The following ST6GALNAC3 variants were observed in gnomAD, a reference collection of about 807,000 sequenced individuals.
The protein encoded by ST6GALNAC3 is alpha-N-acetylgalactosaminide alpha-2,6-sialyltransferase 3.
ST6GALNAC3 carries 25 observed loss-of-function variants against 32.7 expected under a neutral mutation model. That is an observed-to-expected ratio of 0.76 (90% CI 0.56 to 1.07). ST6GALNAC3 has a LOEUF of 1.07. Ranked by LOEUF, ST6GALNAC3 falls within the 50% of genes least tolerant of loss-of-function variation. The probability of loss-of-function intolerance (pLI) is 0.00; values close to 1 mark genes in which losing one functional copy is unlikely to be tolerated. For missense variants in ST6GALNAC3, 355 were observed against 382.4 expected (o/e 0.93, Z 0.60); for synonymous variants, 129 against 133.1 (o/e 0.97, Z 0.21).
intron 1 of ST6GALNAC3, among the ~76,000 whole-genome samples, chr1:76,134,748 T>C (rs1649830045): frequency 6.6e-6 from 1 of 152,220 alleles, no homozygotes; most frequent in South Asian, 2.1e-4. Context: ...CTTGTGTCTG[T>C]GTCATGAAAA....
At chr1:76,403,362 G>T (rs1653574885) in intron 2 of ST6GALNAC3, among the ~76,000 whole-genome samples, 1 of 152,084 alleles carries the variant, frequency 6.6e-6, no homozygotes, top group Non-Finnish European at 1.5e-5. Flanking sequence ...CAATCTGTTA[G>T]TATTTGAAGG....
intron 1 of ST6GALNAC3, among the ~76,000 whole-genome samples, chr1:76,244,037 C>A (rs893260612): frequency 9.2e-5 from 14 of 152,216 alleles, no homozygotes; most frequent in African/African-American, 3.4e-4. Context: ...TTACTTTGGG[C>A]AGTATGGCCA....
chr1:76,083,330 G>A (rs1646923263), intron 1 of ST6GALNAC3, among the ~76,000 whole-genome samples: 1 of 152,276 alleles, frequency 6.6e-6, no homozygotes. Flanking sequence ...TGTGATTCCT[G>A]GTGCTGTTTG....
intron 3 of ST6GALNAC3, among the ~76,000 whole-genome samples, chr1:76,534,702 A>G (rs909270353): frequency 2.6e-5 from 4 of 152,304 alleles, no homozygotes; most frequent in South Asian, 2.1e-4. Flanking sequence ...TATTCAGTGA[A>G]CTGAATAGTG....
intron 1 of ST6GALNAC3, among the ~76,000 whole-genome samples, chr1:76,311,967 A>G (rs1027885963): frequency 3.9e-5 from 6 of 152,112 alleles, no homozygotes; most frequent in Non-Finnish European, 7.4e-5. Context: ...TTTAATGATT[A>G]CCATTCTAAC....
At chr1:76,316,085 C>A (rs1646859408) in intron 2 of ST6GALNAC3, among the ~76,000 whole-genome samples, 1 of 152,048 alleles carries the variant, frequency 6.6e-6, no homozygotes, top group African/African-American at 2.4e-5. Context: ...TACTAATATA[C>A]ATGAAACGCC....
intron 3 of ST6GALNAC3, among the ~76,000 whole-genome samples, chr1:76,578,655 T>C (rs758394667): frequency 1.8e-4 from 28 of 152,046 alleles, no homozygotes; most frequent in Non-Finnish European, 2.9e-4. Flanking sequence ...ACACAGATAT[T>C]TGATAGTGTA....
chr1:76,491,765 A>T (rs1660516625), intron 3 of ST6GALNAC3, among the ~76,000 whole-genome samples: 1 of 152,076 alleles, frequency 6.6e-6, no homozygotes, highest in Admixed American at 6.6e-5. Context: ...AGGGGCAAGC[A>T]CTCCTTTGGA....
At chr1:76,531,603 C>A (rs1663260747) in intron 3 of ST6GALNAC3, among the ~76,000 whole-genome samples, 1 of 152,036 alleles carries the variant, frequency 6.6e-6, no homozygotes, top group Non-Finnish European at 1.5e-5. Context: ...GTGCTTTTTT[C>A]CCCCTCATTG....
At chr1:76,418,706 C>A (rs2101356083) in intron 3 of ST6GALNAC3, among the ~76,000 whole-genome samples, 1 of 151,984 alleles carries the variant, frequency 6.6e-6, no homozygotes, top group East Asian at 1.9e-4. Flanking sequence ...GAATTAATAT[C>A]CCCATCCCAG....
At chr1:76,592,006 G>A (rs182006675) in intron 3 of ST6GALNAC3, among the ~76,000 whole-genome samples, 93 of 152,232 alleles carry the variant, frequency 6.1e-4, no homozygotes, top group African/African-American at 2.2e-3. Context: ...CAGAGAAGTG[G>A]CCAGAAATGT....
intron 3 of ST6GALNAC3, among the ~76,000 whole-genome samples, chr1:76,579,108 C>A (rs1646854643): frequency 6.6e-6 from 1 of 152,024 alleles, no homozygotes; most frequent in Non-Finnish European, 1.5e-5. Context: ...TCTAAATTAG[C>A]CAGTCCTGCT....
At chr1:76,144,129 A>G (rs1270504577) in intron 1 of ST6GALNAC3, among the ~76,000 whole-genome samples, 3 of 147,660 alleles carry the variant, frequency 2.0e-5, no homozygotes, top group Non-Finnish European at 4.5e-5. Context: ...CCCCTTCACC[A>G]CTAAAACCTC....
chr1:76,525,789 GTGTA>G (rs1253090787), intron 3 of ST6GALNAC3, among the ~76,000 whole-genome samples: 10 of 58,940 alleles, frequency 1.7e-4, no homozygotes, highest in East Asian at 1.0e-3. Context: ...GTGTGTGTGT[GTGTA>G]TATATATATA....
At chr1:76,541,007 TAGAGTC>T (rs973700808) in intron 3 of ST6GALNAC3, among the ~76,000 whole-genome samples, 1 of 152,136 alleles carries the variant, frequency 6.6e-6, no homozygotes, top group African/African-American at 2.4e-5. Context: ...AGTAAGTTTT[TAGAGTC>T]AGAGAGTTCA....
chr1:76,129,055 GATC>G (rs1265006369), intron 1 of ST6GALNAC3, among the ~76,000 whole-genome samples: 1 of 152,162 alleles, frequency 6.6e-6, no homozygotes, highest in African/African-American at 2.4e-5. Context: ...TCTCTGCCCT[GATC>G]ATCCAATCGA....
In ST6GALNAC3 at chr1:76,284,626, A is replaced by ATT. The variant is rs5775334; in HGVS notation, c.19-29172_19-29171dup. 7.5e-3 allele frequency among the ~76,000 whole-genome samples: 1,138 copies of ATT among 151,666 alleles called. 12 individuals are homozygous for ATT. Among genetic ancestry groups the ATT allele is most frequent in the African/African-American group, 0.025 (1,017 of 41,334 alleles). Reference sequence around the variant, plus strand: ...CAGGGAGATAGCAAAATGCTTGAGGATTTTTTTTGCAAGAGACTTTTTAAT... The same window carrying ATT: ...CAGGGAGATAGCAAAATGCTTGAGGATTTTTTTTTTGCAAGAGACTTTTTAAT... On this transcript the variant is annotated intron_variant, in intron 1 of 4. Transcript: ENST00000328299.
intron 1 of ST6GALNAC3, among the ~76,000 whole-genome samples, chr1:76,252,770 A>G (rs1484019021): frequency 6.6e-6 from 1 of 152,180 alleles, no homozygotes; most frequent in African/African-American, 2.4e-5. Flanking sequence ...CTGTAATATT[A>G]AGACATCTTG....
At chr1:76,532,245 C>G (rs866662620) in intron 3 of ST6GALNAC3, among the ~76,000 whole-genome samples, 1 of 152,136 alleles carries the variant, frequency 6.6e-6, no homozygotes, top group Admixed American at 6.5e-5. Context: ...ATTTGCCTCC[C>G]GAAACCGTAG....
Sources: allele counts gnomAD v4.1 joint callset (sites outside exome capture counted in the v4.1 genomes callset), GRCh38; gene constraint gnomAD v4.1.1; transcripts MANE v1.5; gene names NCBI Gene and HGNC (gene_info 2026-07-23, HGNC 2026-07-21).